The following SCEL variants were observed in gnomAD, a reference collection of about 807,000 sequenced individuals.
SCEL encodes sciellin.
A neutral mutation model predicts 117.6 loss-of-function variants in SCEL; 113 were observed. That is an observed-to-expected ratio of 0.96 (90% confidence interval 0.83 to 1.12). The LOEUF (loss-of-function observed/expected upper bound fraction) is 1.12, where lower values mean the gene tolerates loss of function less well. Among genes scored for constraint, SCEL ranks in the 50% most tolerant of loss-of-function variants. The pLI is 0.00. For missense variants in SCEL, 785 were observed against 810.8 expected (o/e 0.97, Z 0.39); for synonymous variants, 270 against 256.2 (o/e 1.05, Z -0.51).
At chr13:77,582,184 G>A (rs756780268) in intron 9 of SCEL, among the ~76,000 whole-genome samples, 1 of 152,044 alleles carries the variant, frequency 6.6e-6, no homozygotes, top group African/African-American at 2.4e-5. Context: ...TCATATGTTT[G>A]CATGTGTTTG....
intron 31 of SCEL, 57 bp from the exon 32 acceptor site, chr13:77,642,649 C>T: frequency 9.4e-7 from 1 of 1,063,590 alleles, no homozygotes; most frequent in Non-Finnish European, 1.4e-6. Context: ...GTCTGTTCCT[C>T]TAATAATCTA....
chr13:77,613,300 G>A (rs1056668220), intron 23 of SCEL, among the ~76,000 whole-genome samples: 13 of 151,928 alleles, frequency 8.6e-5, no homozygotes, highest in African/African-American at 2.4e-4. Flanking sequence ...CACAAACACA[G>A]GGATTAATAT....
intron 24 of SCEL, among the ~76,000 whole-genome samples, chr13:77,616,511 A>G (rs1007470418): frequency 1.3e-5 from 2 of 152,056 alleles, no homozygotes; most frequent in Non-Finnish European, 2.9e-5. Flanking sequence ...TCAATTTATT[A>G]TGTTCAATTG....
chr13:77,604,323 A>T, intron 18 of SCEL, 33 bp from the exon 19 acceptor site: 3 of 1,361,846 alleles, frequency 2.2e-6, no homozygotes, highest in South Asian at 1.3e-5. Context: ...ATACTTTAAC[A>T]TCATTCATTA....
chr13:77,643,360 TTAAC>T (rs1238446813), intron 32 of SCEL, among the ~76,000 whole-genome samples: 1 of 152,152 alleles, frequency 6.6e-6, no homozygotes, highest in Non-Finnish European at 1.5e-5. Context: ...ACCTGTGTTT[TTAAC>T]TAACATTTTT....
At chr13:77,629,088 A>T (rs540941918) in intron 28 of SCEL, among the ~76,000 whole-genome samples, 1 of 152,352 alleles carries the variant, frequency 6.6e-6, no homozygotes, top group South Asian at 2.1e-4. Context: ...TGATTTGAGA[A>T]GCATTCCAGT....
intron 10 of SCEL, among the ~76,000 whole-genome samples, chr13:77,590,320 A>G (rs989838630): frequency 1.3e-5 from 2 of 152,124 alleles, no homozygotes; most frequent in African/African-American, 4.8e-5. Flanking sequence ...AATTTTTTAA[A>G]TTGAGTCAAG....
intron 4 of SCEL, among the ~76,000 whole-genome samples, 157 bp from the exon 5 acceptor site, chr13:77,563,674 T>G (rs2085114275): frequency 6.6e-6 from 1 of 152,192 alleles, no homozygotes; most frequent in South Asian, 2.1e-4. Context: ...CTATCCAAGT[T>G]GGAAGATTTG....
rs993771495 is a variant in SCEL at position 77,617,841 on chromosome 13, C to T, written c.1550C>T (p.Ala517Val). 9.3e-6 allele frequency: 15 copies of T among 1,610,830 alleles called. No individual in the cohort carries two copies. The highest frequency in any genetic ancestry group is 1.3e-5 in the African/African-American group (1 of 74,818). Residue 517 changes from alanine (A) to valine (V), a missense_variant, in exon 26 of 33, where the codon GCA (alanine) becomes GTA (valine). By Grantham distance (64) the Ala-to-Val change is moderately conservative. Transcript: ENST00000349847. ...GCTAACCTCATCAAAGTAAATCCTG[C>T]AGTAATCAGAAACAATCAGAGGTAT... ...DLANLIKVNP[A>V]VIRNNQSQDL...
At chr13:77,640,815 TA>T in intron 31 of SCEL, 31 bp downstream of exon 31, 1 of 1,121,078 alleles carries the variant, frequency 8.9e-7, no homozygotes, top group Non-Finnish European at 1.3e-6. Flanking sequence ...CTTAATTAAA[TA>T]AAAAATTGCA....
rs528874271 is a variant in SCEL at position 77,572,142 on chromosome 13, G to T, written c.498G>T (p.Pro166=). Residue 166 remains proline, a synonymous_variant, in exon 9 of 33, where the codon CCG becomes CCT. Coordinates refer to ENST00000349847, the MANE Select transcript of SCEL (RefSeq NM_144777.3). ...TTAACAGGCAGTCCTGGTTTCCACC[G>T]CCCCCTCCAGGTTACAATGCCTCCT... ...VKKKRQSWFP[P]PPPGYNASSS... The T allele has an allele frequency of 1.2e-6, 2 of 1,611,800 alleles. No homozygotes were observed. Among genetic ancestry groups the T allele is most frequent in the Non-Finnish European group, 1.7e-6 (2 of 1,178,602 alleles).
At chr13:77,566,346 G>A (rs1319798825) in intron 5 of SCEL, among the ~76,000 whole-genome samples, 1 of 152,052 alleles carries the variant, frequency 6.6e-6, no homozygotes, top group Admixed American at 6.6e-5. Flanking sequence ...TACCTTGTAG[G>A]GATGTTCTAG....
intron 1 of SCEL, among the ~76,000 whole-genome samples, chr13:77,552,514 T>C (rs943794569): frequency 6.6e-6 from 1 of 151,716 alleles, no homozygotes; most frequent in Non-Finnish European, 1.5e-5. Context: ...TGTCTGTTCA[T>C]GTCCTTCGCC....
intron 22 of SCEL, among the ~76,000 whole-genome samples, chr13:77,612,467 T>C (rs1051503386): frequency 1.3e-4 from 12 of 89,648 alleles, no homozygotes; most frequent in Admixed American, 8.4e-4. Context: ...TTTTTTTTTT[T>C]TTTTTTTTTT....
intron 10 of SCEL, among the ~76,000 whole-genome samples, chr13:77,590,539 C>T (rs985844788): frequency 1.3e-4 from 19 of 152,000 alleles, no homozygotes; most frequent in Non-Finnish European, 5.9e-5. Flanking sequence ...CTTAGTACCA[C>T]CGATATTCTA....
In SCEL at chr13:77,599,369, G is replaced by A. The variant is rs2087480435; in HGVS notation, c.838G>A (p.Val280Ile). 2.5e-6 allele frequency: 4 copies of A among 1,612,438 alleles called. No individual in the cohort carries two copies. The highest frequency in any genetic ancestry group is 3.4e-6 in the Non-Finnish European group (4 of 1,178,908). Reference protein sequence around the residue: ...LDSLFRANPKVEEREKRAKSL... With the variant: ...LDSLFRANPKIEEREKRAKSL... ...TAGTCTCTTCAGAGCAAATCCAAAG[G>A]TAGAAGAAAGAGAGAAAAGGTAAGT... The change falls in exon 14 of 33, where the codon GTA (valine) becomes ATA (isoleucine). Residue 280 changes from valine to isoleucine, a missense_variant. Val to Ile is a conservative substitution (Grantham distance 29, BLOSUM62 3). Coordinates refer to ENST00000349847, the MANE Select transcript of SCEL (RefSeq NM_144777.3).
intron 8 of SCEL, among the ~76,000 whole-genome samples, chr13:77,570,573 T>C (rs2085538709): frequency 6.6e-6 from 1 of 152,224 alleles, no homozygotes; most frequent in African/African-American, 2.4e-5. Context: ...CTTAGTTGAG[T>C]TCTGCAGCGG....
At chr13:77,537,624 G>A (rs995536778) in intron 1 of SCEL, among the ~76,000 whole-genome samples, 2 of 152,292 alleles carry the variant, frequency 1.3e-5, no homozygotes, top group Middle Eastern at 6.8e-3. Flanking sequence ...GGGATCTGAT[G>A]TATGTGTGTT....
intron 11 of SCEL, among the ~76,000 whole-genome samples, chr13:77,593,300 G>GTGTGTGTGTGTGTGTGCGCGCGTC (rs2087020509): frequency 1.4e-5 from 2 of 145,148 alleles, no homozygotes; most frequent in African/African-American, 5.1e-5. Context: ...GTGTGTGTCT[G>GTGTGTGTGTGTGTGTGCGCGCGTC]TGTGTGTGTG....
Sources: gnomAD v4.1 joint callset for allele counts (sites outside exome capture counted in the v4.1 genomes callset) on GRCh38, gnomAD v4.1.1 for gene constraint, MANE v1.5 for transcripts, NCBI Gene and HGNC (gene_info 2026-07-23, HGNC 2026-07-21) for gene names.